STRA6: variants seen among roughly 807,000 people sequenced by gnomAD.
STRA6 encodes receptor for retinol uptake STRA6.
STRA6 carries 48 observed loss-of-function variants against 83.6 expected under a neutral mutation model. That is an observed-to-expected ratio of 0.57 (90% CI 0.46 to 0.73). The LOEUF is 0.73. STRA6 is among the 30% of genes least tolerant of loss of function. STRA6 has a pLI of 0.00. For synonymous variants in STRA6, 353 were observed against 362.3 expected, an observed-to-expected ratio of 0.97 and a Z score of 0.29; for missense variants, 760 against 838.8, an observed-to-expected ratio of 0.91 and a Z score of 1.16.
At chr15:74,203,405 C>T (rs117225985), upstream of STRA6, among the ~76,000 whole-genome samples, 2,682 of 152,250 alleles carry the variant, frequency 0.018, 28 homozygotes, top group South Asian at 0.042. Context: ...ATTCTCCCTC[C>T]CCAGGAGCAG....
upstream of STRA6, among the ~76,000 whole-genome samples, chr15:74,207,544 C>T (rs535262654): frequency 3.3e-5 from 5 of 152,280 alleles, no homozygotes; most frequent in South Asian, 1.0e-3. Flanking sequence ...CCGTTGCTCT[C>T]CACCCTCCCA....
intron 2 of STRA6, among the ~76,000 whole-genome samples, chr15:74,200,176 C>T (rs2073992880): frequency 6.6e-6 from 1 of 152,216 alleles, no homozygotes; most frequent in Non-Finnish European, 1.5e-5. Flanking sequence ...GCCAAGATCG[C>T]ACCACTGCAC....
chr15:74,189,574 G>C (rs990494411), intron 11 of STRA6, among the ~76,000 whole-genome samples: 4 of 151,250 alleles, frequency 2.6e-5, no homozygotes, highest in African/African-American at 9.7e-5. Flanking sequence ...ATCAAGCGCA[G>C]ATCAAAAATA....
upstream of STRA6, chr15:74,207,687 C>T (rs930752396): frequency 2.0e-5 from 31 of 1,535,508 alleles, no homozygotes; most frequent in Non-Finnish European, 2.7e-5. Flanking sequence ...GGGATGGCCA[C>T]TGTGCCCACC....
chr15:74,209,618 T>C (rs970519664), upstream of STRA6: 1 of 617,628 alleles, frequency 1.6e-6, no homozygotes, highest in African/African-American at 1.8e-5. Flanking sequence ...CAGGCTGGGG[T>C]TCTGGAGTCC....
upstream of STRA6, among the ~76,000 whole-genome samples, chr15:74,204,133 A>G (rs1001420739): frequency 1.3e-5 from 2 of 152,222 alleles, no homozygotes; most frequent in Admixed American, 6.5e-5. Context: ...CAGAGATATC[A>G]GCATCTGCTG....
chr15:74,197,653 T>C (rs1021186531), intron 3 of STRA6, 99 bp downstream of exon 3: 1 of 1,492,638 alleles, frequency 6.7e-7, no homozygotes, highest in Non-Finnish European at 9.1e-7. Context: ...ACCCAGGATC[T>C]TCCAGGGCCC....
upstream of STRA6, among the ~76,000 whole-genome samples, chr15:74,210,184 T>G (rs1465220533): frequency 6.6e-6 from 1 of 152,200 alleles, no homozygotes; most frequent in Non-Finnish European, 1.5e-5. Context: ...AATTAACCTT[T>G]GGCACACTTT....
intron 1 of STRA6, among the ~76,000 whole-genome samples, chr15:74,208,357 C>A (rs1357322707): frequency 6.6e-6 from 1 of 152,176 alleles, no homozygotes; most frequent in Non-Finnish European, 1.5e-5. Context: ...GCCCCACGTT[C>A]TCCGTTCCCA....
upstream of STRA6, among the ~76,000 whole-genome samples, chr15:74,203,457 A>G (rs1355326824): frequency 6.6e-6 from 1 of 152,212 alleles, no homozygotes; most frequent in African/African-American, 2.4e-5. Context: ...AGGCAGAAGA[A>G]GGTAGAAAGC....
At chr15:74,194,634 C>T (rs540346682) in intron 7 of STRA6, 13 of 679,236 alleles carry the variant, frequency 1.9e-5, no homozygotes, top group Admixed American at 7.9e-5. Context: ...TCTGAAGTGA[C>T]GGCTCTTGGG....
chr15:74,189,135 T>C lies in STRA6; in HGVS notation c.1070A>G (p.His357Arg), dbSNP rs1024553839. 1 of 1,613,950 alleles carries C rather than the reference T, an allele frequency of 6.2e-7. No homozygotes were observed. Among genetic ancestry groups the C allele is most frequent in the African/African-American group, 1.3e-5 (1 of 74,918 alleles). Residue 357 changes from histidine to arginine, a missense_variant, in exon 12 of 19, where the codon CAC (histidine) becomes CGC (arginine). Coordinates refer to ENST00000395105, the MANE Select transcript of STRA6 (RefSeq NM_022369.4). ...DKQEVVELVK[H>R]HLWALEVCYI... Reference sequence around the variant, plus strand: ...CTCACCTTCCAGAGCCCACAGATGGTGCTTCACCAGCTCCACCACCTCCTG... The same window carrying C: ...CTCACCTTCCAGAGCCCACAGATGGCGCTTCACCAGCTCCACCACCTCCTG...
intron 1 of STRA6, among the ~76,000 whole-genome samples, chr15:74,208,644 T>TTA (rs1411846641): frequency 6.6e-6 from 1 of 152,042 alleles, no homozygotes; most frequent in Non-Finnish European, 1.5e-5. Flanking sequence ...GTCTCCAAAC[T>TTA]TACTCATCAG....
Position 74,195,465 on chromosome 15 carries a change from G to A in STRA6, c.434C>T (p.Ala145Val), listed in dbSNP as rs2073766371. The A allele has an allele frequency of 6.2e-7, 1 of 1,612,968 alleles. No individual in the cohort carries two copies. Residue 145 changes from alanine to valine, a missense_variant, in exon 7 of 19, where the codon GCC becomes GTC. Transcript: ENST00000395105. ...QDGKTEAPRG[A>V]WKILGLFYYA... ...ATAGAACAGTCCCAGTATCTTCCAG[G>A]CCCCTGGAAGGTGAAACAAGCAGAG...
At chr15:74,183,640 C>T in intron 14 of STRA6, 2 of 1,445,622 alleles carry the variant, frequency 1.4e-6, no homozygotes, top group Non-Finnish European at 1.8e-6. Flanking sequence ...GTGGAGGGTA[C>T]ACACTCAATT....
rs188170359 is a variant in STRA6 at position 74,182,473 on chromosome 15, G to A, written c.1301-13C>T. 5 of 1,597,772 alleles carry A rather than the reference G, an allele frequency of 3.1e-6. No homozygotes were observed. The African/African-American group carries it at 6.7e-5, about 21-fold the overall frequency. ...TGCACCAGGAGCCCTGCCAGGGGCG[G>A]GAGTGGCAGGGGGACAGAAAACAGG... On this transcript the variant is annotated splice_polypyrimidine_tract_variant and intron_variant, in intron 14 of 18. Transcript: ENST00000395105.
chr15:74,202,685 G>C (rs1226473771), intron 1 of STRA6, 28 bp downstream of exon 1: 2 of 1,382,822 alleles, frequency 1.4e-6, no homozygotes, highest in Non-Finnish European at 1.9e-6. Flanking sequence ...CCTTTCCCAA[G>C]CCCACCTAGA....
chr15:74,189,769 T>A (rs2073441795), intron 11 of STRA6, among the ~76,000 whole-genome samples: 1 of 151,610 alleles, frequency 6.6e-6, no homozygotes, highest in Non-Finnish European at 1.5e-5. Flanking sequence ...GTTCAAGCAA[T>A]TCTCCTGCCT....
chr15:74,196,792 G>A (rs1192867739), intron 4 of STRA6, among the ~76,000 whole-genome samples: 1 of 152,158 alleles, frequency 6.6e-6, no homozygotes, highest in Non-Finnish European at 1.5e-5. Flanking sequence ...CTACACCAAG[G>A]AGCCACCCAT....
Sources: allele counts gnomAD v4.1 joint callset (sites outside exome capture counted in the v4.1 genomes callset), GRCh38; gene constraint gnomAD v4.1.1; transcripts MANE v1.5; gene names NCBI Gene and HGNC (gene_info 2026-07-23, HGNC 2026-07-21).